The following PCDHGB4 variants were observed in gnomAD, a reference collection of about 807,000 sequenced individuals.
The protein encoded by PCDHGB4 is protocadherin gamma subfamily B, 4.
Under a neutral mutation model 60.5 loss-of-function variants are expected in PCDHGB4, and 38 were observed. The observed-to-expected ratio is 0.63, with a 90% CI of 0.48 to 0.82. PCDHGB4 has a LOEUF of 0.82. Ranked by LOEUF, PCDHGB4 falls within the 40% of genes least tolerant of loss-of-function variation. The pLI, the probability that PCDHGB4 is intolerant of heterozygous loss-of-function variation, is 0.00. For synonymous variants in PCDHGB4, 456 were observed against 509.7 expected (o/e 0.89, Z 1.42); for missense variants, 1,109 against 1,209.6 (o/e 0.92, Z 1.23).
At chr5:141,445,508 T>C (rs2098468947) in intron 1 of PCDHGB4, among the ~76,000 whole-genome samples, 1 of 152,200 alleles carries the variant, frequency 6.6e-6, no homozygotes, top group Non-Finnish European at 1.5e-5. Context: ...TAATACATGA[T>C]ATTTTACAGG....
Position 141,438,902 on chromosome 5 carries a change from G to A in PCDHGB4, c.2397+48621G>A, listed in dbSNP as rs185216039. 2.0e-5 allele frequency among the ~76,000 whole-genome samples: 3 copies of A among 151,906 alleles called. No homozygotes were observed. The East Asian group carries it at 5.8e-4, about 29-fold the overall frequency. On this transcript the variant is annotated intron_variant, in intron 1 of 3. Coordinates refer to ENST00000519479, the MANE Select transcript of PCDHGB4 (RefSeq NM_003736.4). ...GCTGCTCTTGAACTCCTGACCTCAGGTGATCCACCTGCCTTGGCCTCCCAA... is the reference window on the plus strand; with the variant it reads ...GCTGCTCTTGAACTCCTGACCTCAGATGATCCACCTGCCTTGGCCTCCCAA...
chr5:141,419,792 G>A (rs1379811891), intron 1 of PCDHGB4: 1 of 1,614,042 alleles, frequency 6.2e-7, no homozygotes, highest in African/African-American at 1.3e-5. Flanking sequence ...CCTGCTAGTC[G>A]CTGTAAGAGA....
In PCDHGB4 at chr5:141,489,637, T is replaced by G. The variant is rs1230531256; in HGVS notation, c.2398-5170T>G. The G allele has an allele frequency of 6.2e-6, 10 of 1,614,032 alleles. No homozygotes were observed. The highest frequency in any genetic ancestry group is 2.7e-5 in the African/African-American group (2 of 74,914). On this transcript the variant is annotated intron_variant, in intron 1 of 3. Transcript: ENST00000519479. The surrounding 1 kb of genome is among the most constrained non-coding windows in gnomAD (Gnocchi z 4.5). The stretch of plus-strand genomic sequence containing the variant: ...GGATCTCAATGACAACTCTCCTAGC[T>G]TTGCCACCCCTGAGCGAGAGATGCG...
chr5:141,455,047 C>T (rs2098811276), intron 1 of PCDHGB4, among the ~76,000 whole-genome samples: 1 of 150,004 alleles, frequency 6.7e-6, no homozygotes, highest in African/African-American at 2.5e-5. Context: ...CTCCTGACCT[C>T]GTGATCCGCC....
intron 1 of PCDHGB4, chr5:141,403,162 T>C (rs745617954): frequency 9.3e-6 from 15 of 1,613,862 alleles, no homozygotes; most frequent in African/African-American, 2.7e-5. Flanking sequence ...TCTCTAGAGG[T>C]AGGACGCAGC....
chr5:141,389,823 G>A lies in PCDHGB4; in HGVS notation c.1939G>A (p.Gly647Ser). The A allele has an allele frequency of 1.9e-6, 3 of 1,613,944 alleles. No individual in the cohort carries two copies. Among genetic ancestry groups the A allele is most frequent in the Non-Finnish European group, 2.5e-6 (3 of 1,179,898 alleles). ...RQRLLVAVRD[G>S]GQPPLSATAT... Reference sequence around the variant, plus strand: ...GCGCCTTCTGGTCGCCGTGCGTGACGGTGGACAGCCACCACTCTCGGCCAC... The same window carrying A: ...GCGCCTTCTGGTCGCCGTGCGTGACAGTGGACAGCCACCACTCTCGGCCAC... The change falls in exon 1 of 4, where the codon GGT becomes AGT. Residue 647 changes from glycine (G) to serine (S), a missense_variant. Gly to Ser is a moderately conservative substitution (Grantham distance 56). Around this residue, in one of 2 missense-constraint regions of PCDHGB4, gnomAD observed 1,068 missense variants for 1,089.9 expected, o/e 0.98. Transcript: ENST00000519479.
chr5:141,418,339 T>G (rs779598961), intron 1 of PCDHGB4: 2 of 1,614,012 alleles, frequency 1.2e-6, no homozygotes, highest in Non-Finnish European at 1.7e-6. Context: ...CAGAAGATCC[T>G]GATATTAGTA....
rs1412265811 is a variant in PCDHGB4, at chr5:141,461,565, A to G, written c.2398-33242A>G. Among the ~76,000 whole-genome samples the G allele has an allele frequency of 2.6e-5, 4 of 152,178 alleles. No individual in the cohort carries two copies. The East Asian group carries it at 7.7e-4, about 29-fold the overall frequency. On this transcript the variant is annotated intron_variant, in intron 1 of 3. Coordinates refer to ENST00000519479, the MANE Select transcript of PCDHGB4 (RefSeq NM_003736.4). ...CCTTTGTCAGATGTGTACTTTGCAA[A>G]GATAATATTTTGGATGTTATATTTC...
At chr5:141,463,553 A>G (rs1163004575) in intron 1 of PCDHGB4, among the ~76,000 whole-genome samples, 3 of 140,962 alleles carry the variant, frequency 2.1e-5, no homozygotes, top group Non-Finnish European at 4.5e-5. Context: ...GGTTCATGCC[A>G]TTCTCCTGCC....
In PCDHGB4 at chr5:141,394,836, T is replaced by G. The variant is rs116789057; in HGVS notation, c.2397+4555T>G. On this transcript the variant is annotated intron_variant, in intron 1 of 3. Transcript: ENST00000519479. Reference sequence around the variant, plus strand: ...CAGCATCCCCGAAGTCCTGACCGAGTTGGGCAGTCTGAAGCCTTCGGTCGA... The same window carrying G: ...CAGCATCCCCGAAGTCCTGACCGAGGTGGGCAGTCTGAAGCCTTCGGTCGA... 1,507 of 1,613,748 alleles carry G rather than the reference T, an allele frequency of 9.3e-4. 9 individuals carry two copies. The African/African-American group carries it at 0.016, about 17-fold the overall frequency.
In PCDHGB4 at chr5:141,413,305, G is replaced by A. The variant is rs780711139; in HGVS notation, c.2397+23024G>A. 1.5e-5 allele frequency: 25 copies of A among 1,613,870 alleles called. No individual in the cohort carries two copies. The South Asian group carries it at 2.0e-4, about 13-fold the overall frequency. ...CTCCTACTCAATTCCTGAGGAATTA[G>A]AGAAAGGCTCTTTCGTGGGCAACAT... is the stretch of plus-strand genomic sequence containing the variant. On this transcript the variant is annotated intron_variant, in intron 1 of 3. Transcript: ENST00000519479.
chr5:141,397,177 A>G (rs1453004001), intron 1 of PCDHGB4, among the ~76,000 whole-genome samples: 1 of 152,250 alleles, frequency 6.6e-6, no homozygotes, highest in Non-Finnish European at 1.5e-5. Flanking sequence ...CTTAAGAATG[A>G]ATTTATGTAC....
intron 1 of PCDHGB4, chr5:141,405,031 CGTT>C: frequency 6.2e-7 from 1 of 1,613,968 alleles, no homozygotes; most frequent in Admixed American, 1.7e-5. Flanking sequence ...CCCTCTACCT[CGTT>C]GTGGCTGTGG....
chr5:141,408,921 C>T (rs1228341286), intron 1 of PCDHGB4: 2 of 1,613,462 alleles, frequency 1.2e-6, no homozygotes, highest in African/African-American at 1.3e-5. Flanking sequence ...GATAACCCCC[C>T]GGTTTTCAGC....
intron 1 of PCDHGB4, chr5:141,399,525 C>G: frequency 6.2e-7 from 1 of 1,614,058 alleles, no homozygotes; most frequent in Non-Finnish European, 8.5e-7. Flanking sequence ...CTGGGGCCTC[C>G]ATCGCGCAAG....
At chr5:141,484,872 G>T in intron 1 of PCDHGB4, 1 of 319,608 alleles carries the variant, frequency 3.1e-6, no homozygotes, top group Non-Finnish European at 5.8e-6. Context: ...GGAGCGTGGA[G>T]GATAGGGTGG....
chr5:141,453,364 G>A (rs921978865), intron 1 of PCDHGB4, among the ~76,000 whole-genome samples: 4 of 151,814 alleles, frequency 2.6e-5, no homozygotes, highest in African/African-American at 9.7e-5. Flanking sequence ...GAACTCCTGG[G>A]GTCAAGTGAT....
intron 1 of PCDHGB4, chr5:141,428,461 G>A: frequency 2.8e-6 from 1 of 352,014 alleles, no homozygotes; most frequent in South Asian, 2.8e-5. Flanking sequence ...CAACTACAAT[G>A]AGGGAACTTT....
intron 1 of PCDHGB4, chr5:141,393,056 C>A: frequency 6.2e-7 from 1 of 1,613,606 alleles, no homozygotes; most frequent in Non-Finnish European, 8.5e-7. Flanking sequence ...ACCCGCGCAG[C>A]GGCAGCTTGA....
Sources: gnomAD v4.1 joint callset for allele counts (sites outside exome capture counted in the v4.1 genomes callset) on GRCh38, gnomAD v4.1.1 for gene constraint, gnomAD v4.1.1 regional missense constraint, Gnocchi (gnomAD v3.1) non-coding constraint, MANE v1.5 for transcripts, NCBI Gene and HGNC (gene_info 2026-07-23, HGNC 2026-07-21) for gene names.